Variants in CRACD observed in about 807,000 individuals in gnomAD.
CRACD encodes the protein capping protein-inhibiting regulator of actin dynamics.
A neutral mutation model predicts 106.8 loss-of-function variants in CRACD; 56 were observed. The observed-to-expected ratio is 0.52, with a 90% confidence interval of 0.42 to 0.66. The LOEUF is 0.66. Among genes scored for constraint, CRACD ranks in the 30% least tolerant of loss-of-function variants. The pLI, the probability that CRACD is intolerant of heterozygous loss-of-function variation, is 0.00. For synonymous variants in CRACD, 754 were observed against 670.8 expected (o/e 1.12, Z -1.92); for missense variants, 1,730 against 1,623.2 (o/e 1.07, Z -1.13).
chr4:56,076,813 C>A (rs1732855352), intron 1 of CRACD, among the ~76,000 whole-genome samples: 1 of 152,200 alleles, frequency 6.6e-6, no homozygotes, highest in East Asian at 1.9e-4. Flanking sequence ...GTGAGGGGGA[C>A]CCTATCTGTC....
chr4:56,209,351 T>C (rs992422095), intron 2 of CRACD, among the ~76,000 whole-genome samples: 8 of 152,180 alleles, frequency 5.3e-5, no homozygotes, highest in Non-Finnish European at 1.2e-4. Flanking sequence ...TCTAGTAACT[T>C]CGCCTAGACA....
intron 1 of CRACD, among the ~76,000 whole-genome samples, chr4:56,071,971 A>G (rs1301001654): frequency 2.6e-5 from 4 of 151,814 alleles, no homozygotes; most frequent in Non-Finnish European, 4.4e-5. Context: ...ACTAAAAAAT[A>G]CAAAAAATTA....
chr4:56,323,980 T>C, intron 9 of CRACD, 124 bp from the exon 10 acceptor site: 3 of 1,078,844 alleles, frequency 2.8e-6, no homozygotes, highest in Non-Finnish European at 4.0e-6. Context: ...ATACATGTAA[T>C]CCAGCCCACC....
chr4:56,307,639 G>C lies in CRACD; in HGVS notation c.225G>C (p.Leu75=). Residue 75 remains leucine (L), a synonymous_variant, in exon 5 of 11, where the codon CTG becomes CTC. Transcript: ENST00000682029. ...GEASLEEDLF[L]TSPMEIVTQQ... ...CTAGCTTAGAAGAGGATCTGTTCCT[G>C]ACCAGTCCCATGGAAATTGTGACTC... is the stretch of plus-strand genomic sequence containing the variant. 1 of 1,614,180 alleles carries C rather than the reference G, an allele frequency of 6.2e-7. No homozygotes were observed. Among genetic ancestry groups the C allele is most frequent in the Non-Finnish European group, 8.5e-7 (1 of 1,180,054 alleles).
At chr4:56,180,489 AAAATAAAT>A (rs199914728) in intron 2 of CRACD, among the ~76,000 whole-genome samples, 42,308 of 146,056 alleles carry the variant, frequency 0.29, 6,309 homozygotes, top group South Asian at 0.33. Context: ...ACTCCATCTC[AAAATAAAT>A]AAATAAATAA....
chr4:56,064,179 T>C (rs1732380491), intron 1 of CRACD, among the ~76,000 whole-genome samples: 1 of 152,232 alleles, frequency 6.6e-6, no homozygotes, highest in Non-Finnish European at 1.5e-5. Flanking sequence ...CCTTCACCCA[T>C]TTTTGAATGG....
intron 2 of CRACD, among the ~76,000 whole-genome samples, chr4:56,211,247 T>G (rs992851958): frequency 6.6e-6 from 1 of 152,192 alleles, no homozygotes; most frequent in African/African-American, 2.4e-5. Context: ...CCATCTTGAA[T>G]AGGGGCTGAG....
intron 1 of CRACD, among the ~76,000 whole-genome samples, chr4:56,139,079 C>T (rs1318610893): frequency 6.6e-6 from 1 of 152,138 alleles, no homozygotes; most frequent in Admixed American, 6.5e-5. Flanking sequence ...TCAAATTCAA[C>T]CAGAAAAGTT....
intron 6 of CRACD, among the ~76,000 whole-genome samples, chr4:56,312,364 T>G (rs1745216497): frequency 6.6e-6 from 1 of 152,154 alleles, no homozygotes; most frequent in South Asian, 2.1e-4. Context: ...GGTTTTGCCA[T>G]GTTGGCCAGA....
At chr4:56,099,391 T>C (rs946577187) in intron 1 of CRACD, among the ~76,000 whole-genome samples, 1 of 152,206 alleles carries the variant, frequency 6.6e-6, no homozygotes, top group Non-Finnish European at 1.5e-5. Flanking sequence ...ATGTACTCAC[T>C]TGCCTTTGTT....
chr4:56,140,707 G>A (rs751711752), intron 1 of CRACD, among the ~76,000 whole-genome samples: 12 of 152,190 alleles, frequency 7.9e-5, no homozygotes, highest in African/African-American at 2.4e-4. Flanking sequence ...CACAGGGCCA[G>A]TTCTTTGAAA....
In CRACD at chr4:56,314,410, C is replaced by CGGAGCGGAGGGAGAGGAGGGAGCGGAG. The variant is rs1745376605; in HGVS notation, c.921_922insAGGAGGGAGCGGAGGGAGCGGAGGGAG (p.Arg308_Glu309insArgGluArgArgGluArgArgGluArg). The CGGAGCGGAGGGAGAGGAGGGAGCGGAG allele has an allele frequency of 6.5e-7, 1 of 1,539,908 alleles. No individual in the cohort carries two copies. The highest frequency in any genetic ancestry group is 1.4e-5 in the African/African-American group (1 of 72,204). On this transcript the variant is annotated inframe_insertion, in exon 8 of 11. Transcript: ENST00000682029. The surrounding 1 kb of genome is among the most constrained non-coding windows in gnomAD (Gnocchi z 4.4). ...CTGGAAGCGCCAGGTTGGGAGGACGCGGAGCGGAGGGAGCGTGAGGAGCGC... is the reference window on the plus strand; with the variant it reads ...CTGGAAGCGCCAGGTTGGGAGGACGCGGAGCGGAGGGAGAGGAGGGAGCGGAGGGAGCGGAGGGAGCGTGAGGAGCGC...
chr4:56,212,818 T>C (rs1303920812), intron 2 of CRACD, among the ~76,000 whole-genome samples: 1 of 152,186 alleles, frequency 6.6e-6, no homozygotes, highest in Non-Finnish European at 1.5e-5. Flanking sequence ...CTGACCCAGT[T>C]AGATATCTAA....
At chr4:56,270,633 T>G (rs1742294004) in intron 2 of CRACD, among the ~76,000 whole-genome samples, 1 of 152,206 alleles carries the variant, frequency 6.6e-6, no homozygotes, top group African/African-American at 2.4e-5. Flanking sequence ...ATATGTTTCC[T>G]GTGATGTAGG....
At chr4:56,188,684 T>TCACACACA (rs755350704) in intron 2 of CRACD, among the ~76,000 whole-genome samples, 4 of 99,810 alleles carry the variant, frequency 4.0e-5, no homozygotes, top group East Asian at 2.6e-4. Flanking sequence ...TCTCTCTCTC[T>TCACACACA]CTCACACACA....
chr4:56,214,840 G>A (rs769513927), intron 2 of CRACD, among the ~76,000 whole-genome samples: 2 of 151,180 alleles, frequency 1.3e-5, no homozygotes, highest in African/African-American at 2.4e-5. Flanking sequence ...GTGAAACTCC[G>A]TCTCTACTGA....
chr4:56,235,429 G>A (rs1191892598), intron 2 of CRACD, among the ~76,000 whole-genome samples: 1 of 152,194 alleles, frequency 6.6e-6, no homozygotes, highest in Non-Finnish European at 1.5e-5. Context: ...ATGTTCTGTT[G>A]TGCTACAGAG....
intron 1 of CRACD, among the ~76,000 whole-genome samples, chr4:56,143,040 G>GA (rs1468488371): frequency 6.6e-6 from 1 of 151,126 alleles, no homozygotes; most frequent in Non-Finnish European, 1.5e-5. Flanking sequence ...TACCTTGCTA[G>GA]AAAAAATTTT....
intron 1 of CRACD, among the ~76,000 whole-genome samples, chr4:56,145,981 T>A (rs1357674966): frequency 6.6e-6 from 1 of 152,264 alleles, no homozygotes; most frequent in East Asian, 1.9e-4. Context: ...TTTCCGAGAG[T>A]TAAATACATA....
Sources: allele counts gnomAD v4.1 joint callset (sites outside exome capture counted in the v4.1 genomes callset), GRCh38; gene constraint gnomAD v4.1.1; non-coding constraint Gnocchi (gnomAD v3.1); transcripts MANE v1.5; gene names NCBI Gene and HGNC (gene_info 2026-07-23, HGNC 2026-07-21).